Variants in DDAH1 observed in about 807,000 individuals in gnomAD.
DDAH1 encodes N(G),N(G)-dimethylarginine dimethylaminohydrolase 1.
A neutral mutation model predicts 28.8 loss-of-function variants in DDAH1; 19 were observed. The ratio of observed to expected loss-of-function variants is 0.66; its 90% confidence interval spans 0.46 to 0.97. The LOEUF (loss-of-function observed/expected upper bound fraction) is 0.97. Ranked by LOEUF, DDAH1 falls within the 50% of genes least tolerant of loss-of-function variation. DDAH1 has a pLI of 0.00. For synonymous variants in DDAH1, 153 were observed against 154.4 expected, an observed-to-expected ratio of 0.99 and a Z score of 0.07; for missense variants, 326 against 375.9, an observed-to-expected ratio of 0.87 and a Z score of 1.10.
chr1:85,569,006 C>T (rs1041480960), intron 1 of DDAH1, among the ~76,000 whole-genome samples: 3 of 152,206 alleles, frequency 2.0e-5, no homozygotes, highest in African/African-American at 7.2e-5. Flanking sequence ...TTTGTATCCC[C>T]AAACCCTAGT....
In DDAH1 at chr1:85,533,921, C is replaced by T. The variant is rs1190789033; in HGVS notation, c.-122-37640G>A. On this transcript the variant is annotated intron_variant, in intron 1 of 6. Coordinates refer to the DDAH1 transcript ENST00000426972. ...TCATTATGGCTGCATATTTGGATGG[C>T]GGTGGAGAAGGTAAATTAAACAAAG... Among the ~76,000 whole-genome samples the T allele has an allele frequency of 5.3e-5, 8 of 152,110 alleles. No homozygotes were observed. The East Asian group carries it at 5.8e-4, about 11-fold the overall frequency.
chr1:85,521,232 C>T (rs1243636602), intron 1 of DDAH1, among the ~76,000 whole-genome samples: 1 of 151,666 alleles, frequency 6.6e-6, no homozygotes, highest in Non-Finnish European at 1.5e-5. Flanking sequence ...ACAGCCACAA[C>T]CACTGATTGG....
intron 1 of DDAH1, among the ~76,000 whole-genome samples, chr1:85,446,011 A>G (rs1418704935): frequency 6.6e-6 from 1 of 152,190 alleles, no homozygotes; most frequent in Non-Finnish European, 1.5e-5. Context: ...CAGTAAGGAC[A>G]TCAGGAACAG....
chr1:85,374,033 C>T (rs1650526008), intron 1 of DDAH1, among the ~76,000 whole-genome samples: 1 of 152,138 alleles, frequency 6.6e-6, no homozygotes, highest in African/African-American at 2.4e-5. Flanking sequence ...ATTGCTCATT[C>T]TGGTTCACAA....
At chr1:85,326,486 T>TA (rs1458524919) in intron 4 of DDAH1, among the ~76,000 whole-genome samples, 1 of 152,226 alleles carries the variant, frequency 6.6e-6, no homozygotes, top group African/African-American at 2.4e-5. Flanking sequence ...AGAGGTCAAA[T>TA]AACTTGCTTT....
At chr1:85,439,648 G>A (rs1654101538) in intron 1 of DDAH1, among the ~76,000 whole-genome samples, 2 of 152,112 alleles carry the variant, frequency 1.3e-5, no homozygotes, top group African/African-American at 4.8e-5. Context: ...AAGTGCTTTC[G>A]ATGTAAAATT....
rs1461795638 is a variant in DDAH1, at chr1:85,464,332, T to C, written c.303+411A>G. 6.6e-6 allele frequency among the ~76,000 whole-genome samples: 1 copy of C among 152,174 alleles called. No homozygotes were observed. Among genetic ancestry groups the C allele is most frequent in the Non-Finnish European group, 1.5e-5 (1 of 68,024 alleles). On this transcript the variant is annotated intron_variant, in intron 1 of 5. Coordinates refer to ENST00000284031, the MANE Select transcript of DDAH1 (RefSeq NM_012137.4). This position sits in a 1 kb window ranked among gnomAD's most constrained non-coding sequence, Gnocchi z 4.4. The stretch of plus-strand genomic sequence containing the variant: ...GACTTGGGGGCTTCGGTGTCACGAC[T>C]GGCGCTGCCCCCTGGAGGGACGCCC...
chr1:85,415,370 G>A (rs2100603854), intron 1 of DDAH1, among the ~76,000 whole-genome samples: 1 of 152,210 alleles, frequency 6.6e-6, no homozygotes, highest in African/African-American at 2.4e-5. Flanking sequence ...AGCTATTTCA[G>A]CAGTACTTAC....
At chr1:85,378,842 A>G (rs1175988643) in intron 1 of DDAH1, among the ~76,000 whole-genome samples, 1 of 152,236 alleles carries the variant, frequency 6.6e-6, no homozygotes, top group Non-Finnish European at 1.5e-5. Context: ...GGCAGAGAAG[A>G]CACTGTACAT....
intron 1 of DDAH1, among the ~76,000 whole-genome samples, chr1:85,432,098 G>C (rs11582061): frequency 0.11 from 17,378 of 152,184 alleles, 1,079 homozygotes; most frequent in East Asian, 0.24. Context: ...GTTGTGAAAG[G>C]GCTATGTAGA....
intron 1 of DDAH1, among the ~76,000 whole-genome samples, chr1:85,431,070 A>G (rs1557621906): frequency 6.6e-6 from 1 of 152,114 alleles, no homozygotes; most frequent in East Asian, 1.9e-4. Context: ...TGTTCCATCA[A>G]TACCTAGTTT....
At chr1:85,378,794 C>A (rs1460498833) in intron 1 of DDAH1, among the ~76,000 whole-genome samples, 1 of 152,168 alleles carries the variant, frequency 6.6e-6, no homozygotes, top group Non-Finnish European at 1.5e-5. Flanking sequence ...ATCCAGACAG[C>A]TGTTTTGTGA....
At chr1:85,551,088 C>T (rs1458062666) in intron 1 of DDAH1, among the ~76,000 whole-genome samples, 4 of 152,114 alleles carry the variant, frequency 2.6e-5, no homozygotes, top group African/African-American at 9.7e-5. Context: ...AATGTATGAC[C>T]TTAGCTTTTA....
intron 2 of DDAH1, among the ~76,000 whole-genome samples, chr1:85,492,639 C>T (rs551379): frequency 0.23 from 34,445 of 152,048 alleles, 4,894 homozygotes; most frequent in Non-Finnish European, 0.32. Context: ...TTCTGATTTA[C>T]AGATCTGAAT....
At chr1:85,433,645 G>A (rs529689773) in intron 1 of DDAH1, among the ~76,000 whole-genome samples, 1 of 152,264 alleles carries the variant, frequency 6.6e-6, no homozygotes, top group South Asian at 2.1e-4. Flanking sequence ...AAAATCTCAA[G>A]CTTGTGTATT....
intron 1 of DDAH1, among the ~76,000 whole-genome samples, chr1:85,368,015 C>G (rs1392075502): frequency 2.0e-5 from 3 of 152,116 alleles, no homozygotes; most frequent in Non-Finnish European, 4.4e-5. Context: ...AATAACAGGC[C>G]ACTTTATCAA....
At chr1:85,330,971 G>A (rs1647725793) in intron 4 of DDAH1, among the ~76,000 whole-genome samples, 2 of 152,346 alleles carry the variant, frequency 1.3e-5, no homozygotes, top group South Asian at 4.1e-4. Flanking sequence ...AACGAAGAAG[G>A]CACGCAGCTG....
chr1:85,545,417 T>C (rs778014507), intron 1 of DDAH1, among the ~76,000 whole-genome samples: 7 of 152,200 alleles, frequency 4.6e-5, no homozygotes, highest in Non-Finnish European at 8.8e-5. Flanking sequence ...TTTTTAAAGA[T>C]AAGGATCAAT....
intron 2 of DDAH1, among the ~76,000 whole-genome samples, chr1:85,472,258 T>C (rs1281041594): frequency 6.6e-6 from 1 of 152,230 alleles, no homozygotes; most frequent in Non-Finnish European, 1.5e-5. Context: ...AAGGAGAATC[T>C]AGGCAGACAG....
Sources: gnomAD v4.1 joint callset for allele counts (sites outside exome capture counted in the v4.1 genomes callset) on GRCh38, gnomAD v4.1.1 for gene constraint, Gnocchi (gnomAD v3.1) non-coding constraint, MANE v1.5 for transcripts, NCBI Gene and HGNC (gene_info 2026-07-23, HGNC 2026-07-21) for gene names.